SNX8: variants seen among roughly 807,000 people sequenced by gnomAD.
SNX8 encodes the protein sorting nexin-8.
Under a neutral mutation model 51.6 loss-of-function variants are expected in SNX8, and 25 were observed. The ratio of observed to expected loss-of-function variants is 0.48; its 90% confidence interval spans 0.35 to 0.68. The LOEUF is 0.68. Ranked by LOEUF, SNX8 falls within the 30% of genes least tolerant of loss-of-function variation. The probability of loss-of-function intolerance (pLI) is 0.00; values close to 1 mark genes in which losing one functional copy is unlikely to be tolerated. For missense variants in SNX8, 695 were observed against 624.0 expected (o/e 1.11, Z -1.21); for synonymous variants, 324 against 277.0 (o/e 1.17, Z -1.68).
intron 1 of SNX8, among the ~76,000 whole-genome samples, chr7:2,297,742 C>G (rs897749649): frequency 2.6e-5 from 4 of 151,598 alleles, no homozygotes; most frequent in African/African-American, 9.7e-5. Flanking sequence ...TTTGCAGCAA[C>G]TTGGATGAGA....
intron 1 of SNX8, among the ~76,000 whole-genome samples, chr7:2,302,875 C>T (rs543223038): frequency 5.3e-5 from 8 of 150,690 alleles, no homozygotes; most frequent in African/African-American, 4.9e-5. Flanking sequence ...GCAACCGCCC[C>T]GTCTGAGAAG....
chr7:2,346,529 C>T (rs1347209988), intron 1 of SNX8, among the ~76,000 whole-genome samples: 2 of 151,366 alleles, frequency 1.3e-5, no homozygotes, highest in African/African-American at 2.4e-5. Context: ...GGGAGGATCA[C>T]GAGGTCAGGA....
chr7:2,279,466 T>A (rs1361012775), intron 1 of SNX8, among the ~76,000 whole-genome samples: 1 of 152,156 alleles, frequency 6.6e-6, no homozygotes, highest in Non-Finnish European at 1.5e-5. Context: ...AAAAAAATCA[T>A]GGTGGTCAGG....
rs1231897917 is a variant in SNX8, at chr7:2,334,779, G to GGAT, written c.-66+19440_-66+19442dup. Among the ~76,000 whole-genome samples, 15 of 147,094 alleles carry GGAT rather than the reference G, an allele frequency of 1.0e-4. No individual in the cohort carries two copies. The Admixed American group carries it at 1.0e-3, about 10-fold the overall frequency. On this transcript the variant is annotated intron_variant, in intron 1 of 5. Transcript: ENST00000435336. ...CAGCTACTTGGAGGCTGAGGCAGGAGGATCACCTGATCCCAGAAGTTGAGG... is the reference window on the plus strand; with the variant it reads ...CAGCTACTTGGAGGCTGAGGCAGGAGGATGATCACCTGATCCCAGAAGTTGAGG...
At chr7:2,269,183 T>C (rs1344128395) in intron 5 of SNX8, among the ~76,000 whole-genome samples, 3 of 150,916 alleles carry the variant, frequency 2.0e-5, no homozygotes, top group African/African-American at 7.3e-5. Flanking sequence ...TGTTCTGTAC[T>C]AAGAAAAATT....
At chr7:2,340,856 CAAAAAAAAAAA>C (rs71026503) in intron 1 of SNX8, among the ~76,000 whole-genome samples, 12 of 45,114 alleles carry the variant, frequency 2.7e-4, no homozygotes, top group Admixed American at 1.1e-3. Context: ...GGCTGCTTCT[CAAAAAAAAAAA>C]AAAAAAAAAA....
chr7:2,331,885 A>T (rs1301637043), intron 1 of SNX8, among the ~76,000 whole-genome samples: 1 of 151,108 alleles, frequency 6.6e-6, no homozygotes, highest in Non-Finnish European at 1.5e-5. Context: ...GTCTCAAAAA[A>T]AAGAAATATT....
rs114959568 is a variant in SNX8, at chr7:2,259,482, T to C, written c.916-1679A>G. 5.8e-3 allele frequency among the ~76,000 whole-genome samples: 885 copies of C among 152,138 alleles called. 6 individuals carry two copies. Among genetic ancestry groups the C allele is most frequent in the African/African-American group, 0.02 (846 of 41,496 alleles). On this transcript the variant is annotated intron_variant, in intron 7 of 10. Coordinates refer to ENST00000222990, the MANE Select transcript of SNX8 (RefSeq NM_013321.4). Reference sequence around the variant, plus strand: ...AGGAGACGGGGCAGGCAGAAGTGGATGGAACGAGTTTTACGGGACACAGCC... The same window carrying C: ...AGGAGACGGGGCAGGCAGAAGTGGACGGAACGAGTTTTACGGGACACAGCC...
intron 1 of SNX8, among the ~76,000 whole-genome samples, chr7:2,290,566 A>T (rs1443613515): frequency 6.6e-6 from 1 of 152,204 alleles, no homozygotes; most frequent in Non-Finnish European, 1.5e-5. Flanking sequence ...CTAAATAAAC[A>T]TCTGCTGAAT....
intron 1 of SNX8, among the ~76,000 whole-genome samples, chr7:2,350,975 C>T (rs1392382235): frequency 6.6e-6 from 1 of 152,070 alleles, no homozygotes; most frequent in Non-Finnish European, 1.5e-5. Flanking sequence ...AAAAATTAGC[C>T]GGGCACAGTG....
At chr7:2,286,446 T>G (rs1796030366) in intron 1 of SNX8, among the ~76,000 whole-genome samples, 2 of 152,284 alleles carry the variant, frequency 1.3e-5, no homozygotes, top group South Asian at 4.1e-4. Context: ...CTACAACCTG[T>G]ACACATCTAT....
chr7:2,354,120 C>G (rs562158466), intron 1 of SNX8: 2 of 152,318 alleles, frequency 1.3e-5, no homozygotes, highest in South Asian at 2.1e-4. Context: ...AGGCGGCGGC[C>G]TCGGATGGAC....
chr7:2,302,442 C>T (rs1014191531), intron 1 of SNX8, among the ~76,000 whole-genome samples: 4 of 152,200 alleles, frequency 2.6e-5, no homozygotes, highest in Non-Finnish European at 2.9e-5. Context: ...GGTGTGATCT[C>T]GGCTGGCTAC....
upstream of SNX8, among the ~76,000 whole-genome samples, chr7:2,317,623 A>T (rs1796777968): frequency 6.6e-6 from 1 of 152,010 alleles, no homozygotes; most frequent in South Asian, 2.1e-4. Flanking sequence ...CGGGGAGTTG[A>T]TTACAGAACC....
rs896102648 is a variant in SNX8 at position 2,278,004 on chromosome 7, C to T, written c.300+96G>A. ...AAGCCAGCCACACAGACTCACCCTT[C>T]AGCCTTCTCCTGTCACACCACTCCT... is the stretch of plus-strand genomic sequence containing the variant. On this transcript the variant is annotated intron_variant, in intron 2 of 10. Coordinates refer to ENST00000222990, the MANE Select transcript of SNX8 (RefSeq NM_013321.4). The T allele has an allele frequency of 6.0e-6, 9 of 1,512,078 alleles. No individual in the cohort carries two copies. The Admixed American group carries it at 1.8e-4, about 30-fold the overall frequency. The allele number at this position is 1,512,078 out of a possible 1,614,324, so 93.7% of individuals were successfully genotyped here.
intron 1 of SNX8, among the ~76,000 whole-genome samples, chr7:2,341,574 A>G (rs1778926802): frequency 6.6e-6 from 1 of 152,162 alleles, no homozygotes; most frequent in South Asian, 2.1e-4. Context: ...TGGGAGGCCG[A>G]GATGGGAGGA....
chr7:2,330,119 C>T (rs1733003972), intron 1 of SNX8, among the ~76,000 whole-genome samples: 1 of 145,976 alleles, frequency 6.9e-6, no homozygotes. Flanking sequence ...GCATGAGCCA[C>T]TGCGCCCGGC....
intron 1 of SNX8, among the ~76,000 whole-genome samples, chr7:2,352,303 T>C (rs1779161072): frequency 6.6e-6 from 1 of 152,140 alleles, no homozygotes; most frequent in Non-Finnish European, 1.5e-5. Context: ...CTGGGAAGAC[T>C]GCTTCCAAAC....
At chr7:2,288,766 C>T (rs1034971522) in intron 1 of SNX8, among the ~76,000 whole-genome samples, 7 of 152,318 alleles carry the variant, frequency 4.6e-5, no homozygotes, top group African/African-American at 1.4e-4. Context: ...CAGGGTCTCA[C>T]TCTGTCGCCC....
Sources: allele counts gnomAD v4.1 joint callset (sites outside exome capture counted in the v4.1 genomes callset), GRCh38; gene constraint gnomAD v4.1.1; transcripts MANE v1.5; gene names NCBI Gene and HGNC (gene_info 2026-07-23, HGNC 2026-07-21).